The following NAPA variants were observed in gnomAD, a reference collection of about 807,000 sequenced individuals.
NAPA encodes alpha-soluble NSF attachment protein.
In NAPA, 18 loss-of-function variants were observed where a neutral mutation model predicts 48.0. The observed-to-expected ratio is 0.38, with a 90% confidence interval of 0.26 to 0.56. NAPA has a LOEUF of 0.56. NAPA is among the 20% of genes least tolerant of loss of function. The pLI is 0.77. For missense variants in NAPA, 315 were observed against 385.0 expected, an observed-to-expected ratio of 0.82 and a Z score of 1.52; for synonymous variants, 152 against 149.9, an observed-to-expected ratio of 1.01 and a Z score of -0.10.
At chr19:47,491,779 G>A (rs1968272758) in intron 8 of NAPA, among the ~76,000 whole-genome samples, 1 of 152,222 alleles carries the variant, frequency 6.6e-6, no homozygotes, top group African/African-American at 2.4e-5. Flanking sequence ...CACCCATGAA[G>A]GAAAGAGCAC....
intron 9 of NAPA, 47 bp downstream of exon 9, chr19:47,490,735 GCCACCC>G: frequency 6.5e-7 from 1 of 1,537,626 alleles, no homozygotes; most frequent in Non-Finnish European, 8.9e-7. Flanking sequence ...TGGAGCCCCA[GCCACCC>G]CCGTCTGAGG....
At chr19:47,491,932 C>T in intron 8 of NAPA, 83 bp downstream of exon 8, 1 of 1,278,394 alleles carries the variant, frequency 7.8e-7, no homozygotes, top group Non-Finnish European at 1.1e-6. Flanking sequence ...GAGCACGTCC[C>T]TCTTCGGGGG....
rs1334754040 is a variant in NAPA at position 47,506,060 on chromosome 19, C to T, written c.99-2558G>A. On this transcript the variant is annotated intron_variant, in intron 1 of 10. Transcript: ENST00000263354. This position sits in a 1 kb window ranked among gnomAD's most constrained non-coding sequence, Gnocchi z 4.0. Reference sequence around the variant, plus strand: ...TCGCCCAGGCTGGAGTACAGTGGCACGATCTCAGCTTACTGCAACCTCCAA... The same window carrying T: ...TCGCCCAGGCTGGAGTACAGTGGCATGATCTCAGCTTACTGCAACCTCCAA... Among the ~76,000 whole-genome samples the T allele has an allele frequency of 2.0e-5, 3 of 149,432 alleles. No homozygotes were observed. The highest frequency in any genetic ancestry group is 5.0e-5 in the African/African-American group (2 of 40,260).
chr19:47,492,525 C>A, intron 7 of NAPA: 1 of 384,518 alleles, frequency 2.6e-6, no homozygotes, highest in Non-Finnish European at 5.0e-6. Flanking sequence ...GCCTTTTTCT[C>A]GGCCATCACC....
intron 3 of NAPA, among the ~76,000 whole-genome samples, chr19:47,500,399 A>ACCACC (rs1237208554): frequency 6.6e-6 from 1 of 152,228 alleles, no homozygotes; most frequent in Non-Finnish European, 1.5e-5. Context: ...CTGCACCGAC[A>ACCACC]CCACCGACAC....
Position 47,509,748 on chromosome 19 carries a change from C to T in NAPA, c.98+5095G>A, listed in dbSNP as rs376138158. Among the ~76,000 whole-genome samples the T allele has an allele frequency of 3.7e-3, 560 of 152,310 alleles. 2 individuals carry two copies. The highest frequency in any genetic ancestry group is 6.0e-3 in the Non-Finnish European group (408 of 68,028). On this transcript the variant is annotated intron_variant, in intron 1 of 10. Transcript: ENST00000263354. Reference sequence around the variant, plus strand: ...CACAATGCTCAAAATACATACAGGCCCACGGCCCTTCGAGATGAGCTCAGA... The same window carrying T: ...CACAATGCTCAAAATACATACAGGCTCACGGCCCTTCGAGATGAGCTCAGA...
rs869068004 is a variant in NAPA at position 47,509,349 on chromosome 19, T to TA, written c.98+5493dup. Among the ~76,000 whole-genome samples, 305 of 92,050 alleles carry TA rather than the reference T, an allele frequency of 3.3e-3. 1 individual carries two copies. The highest frequency in any genetic ancestry group is 0.012 in the African/African-American group (278 of 22,662). 60.4% of individuals were successfully genotyped at this position (92,050 alleles called of 152,430 possible). On this transcript the variant is annotated intron_variant, in intron 1 of 10. Transcript: ENST00000263354. ...TAAAATAAAATAAAATAAAATAAAA[T>TA]AAATAAAATAAAATAAAATAAAATA...
At chr19:47,491,716 C>T (rs776119185) in intron 8 of NAPA, among the ~76,000 whole-genome samples, 1 of 152,194 alleles carries the variant, frequency 6.6e-6, no homozygotes, top group Admixed American at 6.5e-5. Context: ...ACCCATAAGA[C>T]GCGGTGACAA....
chr19:47,496,982 T>C, intron 3 of NAPA: 1 of 342,522 alleles, frequency 2.9e-6, no homozygotes. Context: ...CAGCAGACAG[T>C]GGAAACGGTG....
intron 1 of NAPA, among the ~76,000 whole-genome samples, chr19:47,512,184 C>A (rs1451372443): frequency 6.6e-6 from 1 of 152,134 alleles, no homozygotes; most frequent in Non-Finnish European, 1.5e-5. Flanking sequence ...CCCCAGGAAG[C>A]CATTTCTGAT....
intron 7 of NAPA, 30 bp from the exon 8 acceptor site, chr19:47,492,149 G>A: frequency 6.3e-7 from 1 of 1,593,882 alleles, no homozygotes; most frequent in South Asian, 1.1e-5. Flanking sequence ...GCACTGGTGA[G>A]CTCAGGGCAA....
At chr19:47,512,640 C>T (rs1184522951) in intron 1 of NAPA, 1 of 152,326 alleles carries the variant, frequency 6.6e-6, no homozygotes, top group Non-Finnish European at 1.5e-5. Context: ...TTGAACTTCT[C>T]CCCTTGTGAA....
rs1341054001 is a variant in NAPA, at chr19:47,495,660, AGAG to A, written c.296-67_296-65del. 18 of 1,540,480 alleles carry A rather than the reference AGAG, an allele frequency of 1.2e-5. No individual in the cohort carries two copies. The African/African-American group carries it at 2.5e-4, about 21-fold the overall frequency. ...GAAGTCGTTTCAGCAGAAGCTGAGG[AGAG>A]GAGGCGGACGCAGGCGCACCTGGCT... On this transcript the variant is annotated intron_variant, in intron 3 of 10. Coordinates refer to ENST00000263354, the MANE Select transcript of NAPA (RefSeq NM_003827.4).
chr19:47,493,377 C>T lies in NAPA; in HGVS notation c.420+39G>A, dbSNP rs370658585. 2.2e-4 allele frequency: 350 copies of T among 1,606,240 alleles called. No homozygotes were observed. Among genetic ancestry groups the T allele is most frequent in the Non-Finnish European group, 2.9e-4 (336 of 1,173,452 alleles). Reference sequence around the variant, plus strand: ...GGGAAGAAGAGAGAGCAGCACTGGTCCTGGCTGCCAGCCCATGCAGGGCCC... The same window carrying T: ...GGGAAGAAGAGAGAGCAGCACTGGTTCTGGCTGCCAGCCCATGCAGGGCCC... On this transcript the variant is annotated intron_variant, in intron 5 of 10. Coordinates refer to ENST00000263354, the MANE Select transcript of NAPA (RefSeq NM_003827.4). This position sits in a 1 kb window ranked among gnomAD's most constrained non-coding sequence, Gnocchi z 6.4.
chr19:47,514,778 C>A, intron 1 of NAPA, 65 bp downstream of exon 1: 1 of 1,515,000 alleles, frequency 6.6e-7, no homozygotes, highest in Middle Eastern at 1.7e-4. Context: ...AACCCGCCAC[C>A]TCCGAGCGTG....
At chr19:47,505,552 G>A (rs1321708277) in intron 1 of NAPA, 1 of 152,188 alleles carries the variant, frequency 6.6e-6, no homozygotes, top group Non-Finnish European at 1.5e-5. Flanking sequence ...GCCTGCAAAT[G>A]AGATTTTTAA....
At chr19:47,498,236 C>T (rs1356012402) in intron 3 of NAPA, among the ~76,000 whole-genome samples, 3 of 152,118 alleles carry the variant, frequency 2.0e-5, no homozygotes, top group Non-Finnish European at 2.9e-5. Context: ...GTGATGAGGA[C>T]GGCCCCAGGG....
In NAPA at chr19:47,493,667, G is replaced by A; in HGVS notation, c.343-174C>T. ...GGGGAACACAGGAGTGAGAAGGGAG[G>A]GCCCCAGCACTAGAGGCCTGGCTAT... On this transcript the variant is annotated intron_variant, in intron 4 of 10. Transcript: ENST00000263354. The surrounding 1 kb of genome is among the most constrained non-coding windows in gnomAD (Gnocchi z 6.4). 1 of 635,156 alleles carries A rather than the reference G, an allele frequency of 1.6e-6. No individual in the cohort carries two copies. Among genetic ancestry groups the A allele is most frequent in the Non-Finnish European group, 2.8e-6 (1 of 351,842 alleles). 39.3% of individuals were successfully genotyped at this position (635,156 alleles called of 1,614,324 possible). A position where few individuals can be genotyped will look rare whatever the true frequency, so the allele number is the denominator to read the frequency against.
chr19:47,505,884 T>C (rs1253765134), intron 1 of NAPA, among the ~76,000 whole-genome samples: 1 of 152,030 alleles, frequency 6.6e-6, no homozygotes, highest in African/African-American at 2.4e-5. Context: ...CCCTGGGAAG[T>C]GGCCCTGAGC....
Sources: gnomAD v4.1 joint callset for allele counts (sites outside exome capture counted in the v4.1 genomes callset) on GRCh38, gnomAD v4.1.1 for gene constraint, Gnocchi (gnomAD v3.1) non-coding constraint, MANE v1.5 for transcripts, NCBI Gene and HGNC (gene_info 2026-07-23, HGNC 2026-07-21) for gene names.